The following BANK1 variants were observed in gnomAD, a reference collection of about 807,000 sequenced individuals.
BANK1 encodes the protein B-cell scaffold protein with ankyrin repeats.
In BANK1, 95 loss-of-function variants were observed where a neutral mutation model predicts 94.5. That is an observed-to-expected ratio of 1.00 (90% CI 0.85 to 1.19). BANK1 has a LOEUF of 1.19. BANK1 is among the 50% of genes most tolerant of loss of function. The pLI is 0.00. For synonymous variants in BANK1, 334 were observed against 308.4 expected (o/e 1.08, Z -0.87); for missense variants, 987 against 932.2 (o/e 1.06, Z -0.77).
At chr4:102,020,560 T>A (rs572096217) in intron 7 of BANK1, among the ~76,000 whole-genome samples, 1 of 152,240 alleles carries the variant, frequency 6.6e-6, no homozygotes, top group African/African-American at 2.4e-5. Flanking sequence ...TGGGCTCTCT[T>A]TGGCCAAAGT....
rs569236608 is a variant in BANK1 at position 101,946,603 on chromosome 4, G to A, written c.1206+28414G>A. 1.3e-4 allele frequency among the ~76,000 whole-genome samples: 19 copies of A among 151,994 alleles called. 1 individual carries two copies. In the South Asian group the frequency reaches 3.5e-3, roughly 28 times the overall value. ...AAGGAACATGAAGGATTTGAAAACC[G>A]AGATGGATTAAAGACTATCTCACTC... On this transcript the variant is annotated intron_variant, in intron 7 of 16. Transcript: ENST00000322953.
intron 11 of BANK1, among the ~76,000 whole-genome samples, chr4:102,048,660 G>A (rs1578478758): frequency 6.6e-6 from 1 of 152,120 alleles, no homozygotes; most frequent in Non-Finnish European, 1.5e-5. Flanking sequence ...AGGTAAAAAG[G>A]AATTATTATT....
chr4:102,068,071 A>T (rs1303654885), intron 13 of BANK1, among the ~76,000 whole-genome samples: 3 of 152,166 alleles, frequency 2.0e-5, no homozygotes, highest in African/African-American at 7.2e-5. Context: ...TAAACACAAC[A>T]TTCAAAATAA....
At chr4:102,038,465 GAATT>G (rs542749273) in intron 10 of BANK1, among the ~76,000 whole-genome samples, 242 of 152,246 alleles carry the variant, frequency 1.6e-3, no homozygotes, top group Non-Finnish European at 3.1e-3. Flanking sequence ...GGTAATAAGA[GAATT>G]AAATAGATGA....
At chr4:101,838,961 T>C (rs1726931700) in intron 2 of BANK1, among the ~76,000 whole-genome samples, 1 of 152,266 alleles carries the variant, frequency 6.6e-6, no homozygotes, top group African/African-American at 2.4e-5. Context: ...TATCTGACAC[T>C]GTTTTGCCAT....
chr4:101,796,759 A>T (rs67800004), intron 1 of BANK1, among the ~76,000 whole-genome samples: 39,873 of 152,038 alleles, frequency 0.26, 5,648 homozygotes, highest in Non-Finnish European at 0.32. Flanking sequence ...ATTTTTACTT[A>T]TCTGAAAATT....
At chr4:101,961,048 G>T (rs1724550683) in intron 7 of BANK1, among the ~76,000 whole-genome samples, 1 of 152,150 alleles carries the variant, frequency 6.6e-6, no homozygotes, top group Admixed American at 6.5e-5. Context: ...GGGAGGAAAT[G>T]ATGTCCCCTC....
intron 1 of BANK1, among the ~76,000 whole-genome samples, chr4:101,810,758 A>G (rs1017345956): frequency 7.2e-5 from 11 of 152,122 alleles, no homozygotes; most frequent in Admixed American, 1.3e-4. Flanking sequence ...TCAGTGGTTC[A>G]TTTTCCACAA....
chr4:101,884,081 T>A (rs954032718), intron 5 of BANK1, among the ~76,000 whole-genome samples: 4 of 152,198 alleles, frequency 2.6e-5, no homozygotes, highest in African/African-American at 4.8e-5. Context: ...TAAATTATGC[T>A]TTTACAGTAA....
At chr4:102,057,125 A>G (rs1728251755) in intron 11 of BANK1, among the ~76,000 whole-genome samples, 1 of 152,162 alleles carries the variant, frequency 6.6e-6, no homozygotes, top group African/African-American at 2.4e-5. Flanking sequence ...TCGATAGACC[A>G]AGCATCTCCT....
intron 7 of BANK1, among the ~76,000 whole-genome samples, chr4:102,014,799 A>C (rs752713927): frequency 5.3e-5 from 8 of 152,146 alleles, no homozygotes; most frequent in Non-Finnish European, 1.0e-4. Context: ...GTACATACTA[A>C]GAATTTCCCA....
At chr4:101,977,874 A>C (rs549739339) in intron 7 of BANK1, among the ~76,000 whole-genome samples, 1 of 152,180 alleles carries the variant, frequency 6.6e-6, no homozygotes, top group Non-Finnish European at 1.5e-5. Flanking sequence ...ACTCACCACA[A>C]ATCAAATATT....
intron 1 of BANK1, among the ~76,000 whole-genome samples, chr4:101,802,605 T>C (rs143439483): frequency 6.6e-6 from 1 of 152,352 alleles, no homozygotes; most frequent in African/African-American, 2.4e-5. Context: ...TTGTATGTAG[T>C]AATGACCTCT....
At chr4:101,857,917 T>A (rs1296284586) in intron 3 of BANK1, among the ~76,000 whole-genome samples, 1 of 152,166 alleles carries the variant, frequency 6.6e-6, no homozygotes, top group East Asian at 1.9e-4. Flanking sequence ...GGCCAAGACA[T>A]TTGTTTTTCT....
At chr4:101,822,171 A>G (rs1235936673) in intron 1 of BANK1, among the ~76,000 whole-genome samples, 7 of 152,126 alleles carry the variant, frequency 4.6e-5, no homozygotes, top group Non-Finnish European at 8.8e-5. Context: ...TCTGGTCAAC[A>G]TGGGGAAACC....
At chr4:101,947,767 A>T (rs1052365367) in intron 7 of BANK1, among the ~76,000 whole-genome samples, 2 of 151,908 alleles carry the variant, frequency 1.3e-5, no homozygotes, top group African/African-American at 4.8e-5. Flanking sequence ...ACCCCTACCA[A>T]CTGAAATTGT....
rs774869173 is a variant in BANK1 at position 102,060,375 on chromosome 4, G to C, written c.2134G>C (p.Glu712Gln). The part of the protein sequence containing the change: ...KHWQMGKSGL[E>Q]MIQQEKLRQL... Reference sequence around the variant, plus strand: ...CTGGCAGATGGGAAAAAGTGGCCTGGAAATGATTCAGCAGGTAATATTGGC... The same window carrying C: ...CTGGCAGATGGGAAAAAGTGGCCTGCAAATGATTCAGCAGGTAATATTGGC... Residue 712 changes from glutamate (E) to glutamine (Q), a missense_variant, in exon 12 of 17, where the codon GAA becomes CAA. Glu to Gln is a conservative substitution (Grantham distance 29). Transcript: ENST00000322953. 3 of 1,608,312 alleles carry C rather than the reference G, an allele frequency of 1.9e-6. No individual in the cohort carries two copies. In the Admixed American group the frequency reaches 5.1e-5, roughly 27 times the overall value.
intron 7 of BANK1, among the ~76,000 whole-genome samples, chr4:101,921,373 T>G (rs1271016181): frequency 1.3e-5 from 2 of 151,922 alleles, no homozygotes; most frequent in Admixed American, 1.3e-4. Flanking sequence ...GCCCAGGACA[T>G]TTTAAATAGT....
At chr4:102,022,772 CATTGT>C (rs760020166) in intron 8 of BANK1, among the ~76,000 whole-genome samples, 3 of 152,156 alleles carry the variant, frequency 2.0e-5, no homozygotes, top group Non-Finnish European at 2.9e-5. Flanking sequence ...AATATCTCCC[CATTGT>C]ACTCATAACC....
Sources: allele counts gnomAD v4.1 joint callset (sites outside exome capture counted in the v4.1 genomes callset), GRCh38; gene constraint gnomAD v4.1.1; transcripts MANE v1.5; gene names NCBI Gene and HGNC (gene_info 2026-07-23, HGNC 2026-07-21).